PLXNC1: variants seen among roughly 807,000 people sequenced by gnomAD.
PLXNC1 encodes the protein plexin C1, also known as plexin-C1.
In PLXNC1, 75 loss-of-function variants were observed where a neutral mutation model predicts 178.2. That is an observed-to-expected ratio of 0.42 (90% CI 0.35 to 0.51). The LOEUF is 0.51. Among genes scored for constraint, PLXNC1 ranks in the 20% least tolerant of loss-of-function variants. PLXNC1 has a pLI of 0.02. For missense variants in PLXNC1, 1,503 were observed against 1,984.4 expected, an observed-to-expected ratio of 0.76 and a Z score of 4.61; for synonymous variants, 790 against 779.9, an observed-to-expected ratio of 1.01 and a Z score of -0.22.
chr12:94,247,495 C>T (rs1032420701), intron 12 of PLXNC1, among the ~76,000 whole-genome samples: 2 of 152,072 alleles, frequency 1.3e-5, no homozygotes, highest in African/African-American at 4.8e-5. Context: ...TCGTGGTTTC[C>T]CAGGGCTCAG....
intron 5 of PLXNC1, among the ~76,000 whole-genome samples, chr12:94,212,642 A>G (rs1028444919): frequency 3.9e-5 from 6 of 152,102 alleles, no homozygotes; most frequent in Non-Finnish European, 8.8e-5. Context: ...ATGTCCCTGC[A>G]AAGGACATGA....
chr12:94,164,587 T>C (rs901931777), intron 1 of PLXNC1, among the ~76,000 whole-genome samples: 1 of 151,960 alleles, frequency 6.6e-6, no homozygotes, highest in African/African-American at 2.4e-5. Flanking sequence ...GAGTATTTAT[T>C]GTCCATGAAA....
intron 1 of PLXNC1, among the ~76,000 whole-genome samples, chr12:94,153,747 G>A (rs956482151): frequency 6.6e-6 from 1 of 152,152 alleles, no homozygotes; most frequent in East Asian, 1.9e-4. Flanking sequence ...ACCCTTTGTA[G>A]GGGGACATAC....
chr12:94,215,928 CA>C (rs1963633032), intron 5 of PLXNC1, among the ~76,000 whole-genome samples: 1 of 152,126 alleles, frequency 6.6e-6, no homozygotes, highest in South Asian at 2.1e-4. Context: ...TATGTAATAA[CA>C]AAAGAAAAAT....
rs116867837 is a variant in PLXNC1, at chr12:94,178,722, G to A, written c.1204-2724G>A. ...GGTAGCCAGTCACCTTAGGTAGCTA[G>A]TGAACACTTGAAATGTTGCTAGTGT... On this transcript the variant is annotated intron_variant, in intron 2 of 30. Coordinates refer to ENST00000258526, the MANE Select transcript of PLXNC1 (RefSeq NM_005761.3). 3.3e-5 allele frequency among the ~76,000 whole-genome samples: 5 copies of A among 152,284 alleles called. No individual in the cohort carries two copies. The East Asian group carries it at 9.6e-4, about 29-fold the overall frequency.
chr12:94,206,601 C>T (rs1963308595), intron 4 of PLXNC1, among the ~76,000 whole-genome samples: 1 of 151,746 alleles, frequency 6.6e-6, no homozygotes, highest in Admixed American at 6.6e-5. Context: ...AAAGTATTAG[C>T]TCTAAGTGGA....
intron 10 of PLXNC1, 146 bp downstream of exon 10, chr12:94,237,949 A>G (rs893914142): frequency 2.0e-5 from 14 of 699,744 alleles, no homozygotes; most frequent in African/African-American, 1.8e-4. Context: ...TTGACATAAT[A>G]TAATTCCAAC....
chr12:94,268,068 A>G (rs562691914), intron 21 of PLXNC1, among the ~76,000 whole-genome samples: 33 of 152,282 alleles, frequency 2.2e-4, no homozygotes, highest in African/African-American at 7.9e-4. Context: ...CTCACGAACC[A>G]CTTGAAATGA....
chr12:94,303,671 GGAATATTA>G, intron 28 of PLXNC1, 77 bp from the exon 29 acceptor site: 1 of 1,211,546 alleles, frequency 8.3e-7, no homozygotes, highest in Non-Finnish European at 1.1e-6. Flanking sequence ...CAGCTACATT[GGAATATTA>G]TAAATTCCTC....
intron 6 of PLXNC1, among the ~76,000 whole-genome samples, chr12:94,221,567 G>A (rs570864359): frequency 6.6e-6 from 1 of 152,338 alleles, no homozygotes; most frequent in African/African-American, 2.4e-5. Context: ...ATGGAGCTGA[G>A]TGGGTTTTAT....
chr12:94,181,641 A>G, intron 3 of PLXNC1, 61 bp downstream of exon 3: 2 of 1,373,606 alleles, frequency 1.5e-6, no homozygotes, highest in Non-Finnish European at 2.1e-6. Flanking sequence ...AATTGATGTC[A>G]TTATCTAGTA....
chr12:94,233,663 G>C (rs1015238485), intron 9 of PLXNC1, among the ~76,000 whole-genome samples: 2 of 152,198 alleles, frequency 1.3e-5, no homozygotes, highest in African/African-American at 4.8e-5. Context: ...CCTGGAGCCT[G>C]TACCGAGGGG....
chr12:94,300,841 CTG>C (rs751949769), intron 27 of PLXNC1, 67 bp from the exon 28 acceptor site: 12 of 1,434,072 alleles, frequency 8.4e-6, no homozygotes, highest in Admixed American at 2.0e-5. Context: ...CGTTTACAAA[CTG>C]TGATAAACAG....
chr12:94,232,022 T>A (rs1284366665), intron 9 of PLXNC1, among the ~76,000 whole-genome samples: 1 of 152,180 alleles, frequency 6.6e-6, no homozygotes, highest in East Asian at 1.9e-4. Flanking sequence ...CAAAGTCATA[T>A]CCCCTGGCAA....
intron 15 of PLXNC1, among the ~76,000 whole-genome samples, chr12:94,252,291 C>T (rs908037256): frequency 2.6e-5 from 4 of 152,064 alleles, no homozygotes; most frequent in Non-Finnish European, 5.9e-5. Flanking sequence ...CATGCCTGGG[C>T]ACAGTGGCAC....
At position 94,274,380 on chromosome 12, in the gene PLXNC1, C is replaced by G. The variant is rs375269702; in HGVS notation, c.3598-5092C>G. On this transcript the variant is annotated intron_variant, in intron 21 of 30. Coordinates refer to ENST00000258526, the MANE Select transcript of PLXNC1 (RefSeq NM_005761.3). ...CCTTGGTTTTATGTGTTGGCCAGAGCTGGGTTACATGACCAGTCCCTGGTG... is the reference window on the plus strand; with the variant it reads ...CCTTGGTTTTATGTGTTGGCCAGAGGTGGGTTACATGACCAGTCCCTGGTG... Among the ~76,000 whole-genome samples, 5 of 152,076 alleles carry G rather than the reference C, an allele frequency of 3.3e-5. No individual in the cohort carries two copies. In the East Asian group the frequency reaches 9.6e-4, roughly 29 times the overall value.
At chr12:94,179,088 G>A (rs1326206028) in intron 2 of PLXNC1, among the ~76,000 whole-genome samples, 1 of 152,212 alleles carries the variant, frequency 6.6e-6, no homozygotes, top group South Asian at 2.1e-4. Flanking sequence ...CTAGACTCGG[G>A]CCCAGGTCCT....
chr12:94,211,010 T>C (rs11107442), intron 5 of PLXNC1, among the ~76,000 whole-genome samples: 31,812 of 152,214 alleles, frequency 0.21, 3,471 homozygotes, highest in Middle Eastern at 0.26. Context: ...TTTCTTATGT[T>C]ATTTATAAAA....
rs774757175 is a variant in PLXNC1, at chr12:94,149,877, C to G, written c.906C>G (p.Ala302=). The G allele has an allele frequency of 5.7e-6, 9 of 1,588,270 alleles. No individual in the cohort carries two copies. Among genetic ancestry groups the G allele is most frequent in the East Asian group, 2.3e-5 (1 of 43,350 alleles). The part of the protein sequence containing the change: ...RLLLSSSLVE[A]LDVWAGVFSA... ...TCCTCTCCTCCAGCCTAGTGGAGGC[C>G]CTGGACGTCTGGGCGGGAGTGTTCA... The change falls in exon 1 of 31, where the codon GCC becomes GCG. Residue 302 remains alanine (A), a synonymous_variant. Transcript: ENST00000258526.
Sources: allele counts gnomAD v4.1 joint callset (sites outside exome capture counted in the v4.1 genomes callset), GRCh38; gene constraint gnomAD v4.1.1; transcripts MANE v1.5; gene names NCBI Gene and HGNC (gene_info 2026-07-23, HGNC 2026-07-21).